MED12L: variants seen among roughly 807,000 people sequenced by gnomAD.
MED12L encodes mediator complex subunit 12L.
A neutral mutation model predicts 281.3 loss-of-function variants in MED12L; 60 were observed. The ratio of observed to expected loss-of-function variants is 0.21; its 90% CI spans 0.17 to 0.26. The LOEUF (loss-of-function observed/expected upper bound fraction) is 0.26, where lower values mean the gene tolerates loss of function less well. Ranked by LOEUF, MED12L falls within the 10% of genes least tolerant of loss-of-function variation. MED12L has a pLI of 1.00. For missense variants in MED12L, 2,146 were observed against 2,680.9 expected (o/e 0.80, Z 4.41); for synonymous variants, 974 against 987.2 (o/e 0.99, Z 0.25).
intron 5 of MED12L, among the ~76,000 whole-genome samples, chr3:151,152,085 G>GTTTTTTTTTTTTTTTTTTTTTTT (rs141353889): frequency 1.6e-5 from 1 of 62,984 alleles, no homozygotes; most frequent in African/African-American, 6.3e-5. Context: ...GTTGAAGGTG[G>GTTTTTTTTTTTTTTTTTTTTTTT]TTTTTTTTTT....
At chr3:151,229,757 G>A (rs950347075) in intron 16 of MED12L, among the ~76,000 whole-genome samples, 10 of 151,602 alleles carry the variant, frequency 6.6e-5, no homozygotes, top group South Asian at 4.2e-4. Flanking sequence ...GAGCCACTGC[G>A]CCAGGCGAAC....
chr3:151,339,946 C>A (rs1020343447), intron 16 of MED12L, among the ~76,000 whole-genome samples: 3 of 151,806 alleles, frequency 2.0e-5, no homozygotes, highest in African/African-American at 7.3e-5. Flanking sequence ...GTACAAATAA[C>A]AAATTTTAAA....
chr3:151,306,813 T>C (rs181363159), intron 16 of MED12L, among the ~76,000 whole-genome samples: 281 of 152,360 alleles, frequency 1.8e-3, no homozygotes, highest in Non-Finnish European at 2.5e-3. Context: ...AGTTAAATGC[T>C]GGCTCCCTAA....
intron 16 of MED12L, among the ~76,000 whole-genome samples, chr3:151,287,697 C>A (rs1050589287): frequency 6.6e-6 from 1 of 151,968 alleles, no homozygotes; most frequent in Admixed American, 6.5e-5. Context: ...GTTCTTGTGG[C>A]GATTTAAAGG....
At chr3:151,175,064 A>G (rs1721880664) in intron 11 of MED12L, among the ~76,000 whole-genome samples, 1 of 152,208 alleles carries the variant, frequency 6.6e-6, no homozygotes, top group African/African-American at 2.4e-5. Context: ...TTGTGAATTT[A>G]TGGTTAACAG....
At chr3:151,114,561 A>G (rs1712430318) in intron 2 of MED12L, among the ~76,000 whole-genome samples, 1 of 152,178 alleles carries the variant, frequency 6.6e-6, no homozygotes, top group East Asian at 1.9e-4. Flanking sequence ...ACATAGAGGA[A>G]TAAGTGTATC....
At chr3:151,133,626 G>A (rs1715722289) in intron 5 of MED12L, among the ~76,000 whole-genome samples, 2 of 152,040 alleles carry the variant, frequency 1.3e-5, no homozygotes, top group South Asian at 4.1e-4. Context: ...GGTTTAGGTG[G>A]ACACGATGTT....
intron 16 of MED12L, among the ~76,000 whole-genome samples, chr3:151,246,691 C>T (rs1334106380): frequency 2.0e-5 from 3 of 152,280 alleles, no homozygotes; most frequent in East Asian, 3.9e-4. Context: ...TAGGCATTAC[C>T]ATTCAGGACA....
chr3:151,354,140 C>CA (rs63033360), intron 17 of MED12L, among the ~76,000 whole-genome samples: 9,101 of 62,670 alleles, frequency 0.15, 1,422 homozygotes, highest in Middle Eastern at 0.18. Context: ...GACTCCGTCT[C>CA]AAAAAAAAAA....
At chr3:151,163,276 C>A (rs1017066932) in intron 8 of MED12L, among the ~76,000 whole-genome samples, 3 of 152,078 alleles carry the variant, frequency 2.0e-5, no homozygotes, top group African/African-American at 7.2e-5. Flanking sequence ...GGCTGTGGAT[C>A]AAATTCGGCC....
At chr3:151,415,915 A>G (rs1201344067) in intron 42 of MED12L, among the ~76,000 whole-genome samples, 1 of 152,264 alleles carries the variant, frequency 6.6e-6, no homozygotes, top group Admixed American at 6.5e-5. Flanking sequence ...GCCAGATATC[A>G]TAAAGAATGA....
intron 3 of MED12L, among the ~76,000 whole-genome samples, chr3:151,121,840 C>G (rs988149457): frequency 6.6e-6 from 1 of 151,600 alleles, no homozygotes; most frequent in Non-Finnish European, 1.5e-5. Flanking sequence ...CTCAGCCTCC[C>G]GAGTAGGTGG....
At chr3:151,179,155 C>A (rs1288167142) in intron 11 of MED12L, among the ~76,000 whole-genome samples, 1 of 152,110 alleles carries the variant, frequency 6.6e-6, no homozygotes, top group Non-Finnish European at 1.5e-5. Flanking sequence ...GTCTGGCCAA[C>A]ATGGTGAAAC....
intron 5 of MED12L, among the ~76,000 whole-genome samples, chr3:151,152,085 GTTTTTTTTTTTTTT>G (rs141353889): frequency 2.2e-4 from 14 of 63,020 alleles, no homozygotes; most frequent in African/African-American, 3.7e-4. Context: ...GTTGAAGGTG[GTTTTTTTTTTTTTT>G]TTTTTTTTTT....
intron 16 of MED12L, among the ~76,000 whole-genome samples, chr3:151,214,603 C>T (rs1344773389): frequency 6.6e-6 from 1 of 150,436 alleles, no homozygotes; most frequent in Non-Finnish European, 1.5e-5. Context: ...CCCTCTCCCC[C>T]TCCCTTTTCC....
rs114576613 is a variant in MED12L at position 151,356,630 on chromosome 3, T to G, written c.2662-583T>G. Among the ~76,000 whole-genome samples the G allele has an allele frequency of 7.8e-3, 1,184 of 152,190 alleles. 13 individuals carry two copies. Among genetic ancestry groups the G allele is most frequent in the African/African-American group, 0.026 (1,092 of 41,544 alleles). On this transcript the variant is annotated intron_variant, in intron 19 of 44. Coordinates refer to ENST00000687756, the MANE Select transcript of MED12L (RefSeq NM_001393769.1). ...GTTTTGAGTGTTTCTTCTGTTTTTT[T>G]TTGTTGTTGTTGTTGTTTTTCTTTT...
At chr3:151,261,076 G>A (rs1214442732) in intron 16 of MED12L, among the ~76,000 whole-genome samples, 1 of 151,866 alleles carries the variant, frequency 6.6e-6, no homozygotes, top group Non-Finnish European at 1.5e-5. Flanking sequence ...TTTTTGGAGG[G>A]GAAGCATCTT....
At chr3:151,336,339 G>A (rs1750989134) in intron 16 of MED12L, among the ~76,000 whole-genome samples, 1 of 152,172 alleles carries the variant, frequency 6.6e-6, no homozygotes, top group Admixed American at 6.5e-5. Context: ...AGAAAGAAAT[G>A]TGGCTGGTTG....
At chr3:151,417,103 C>T (rs1717653185) in intron 43 of MED12L, among the ~76,000 whole-genome samples, 2 of 152,060 alleles carry the variant, frequency 1.3e-5, no homozygotes, top group South Asian at 4.1e-4. Flanking sequence ...TATCACTTGC[C>T]ACATATTGGA....
Sources: gnomAD v4.1 joint callset for allele counts (sites outside exome capture counted in the v4.1 genomes callset) on GRCh38, gnomAD v4.1.1 for gene constraint, MANE v1.5 for transcripts, NCBI Gene and HGNC (gene_info 2026-07-23, HGNC 2026-07-21) for gene names.